Variants in PUS10 observed in about 807,000 individuals in gnomAD.
The protein encoded by PUS10 is tRNA pseudouridine synthase Pus10.
A neutral mutation model predicts 75.0 loss-of-function variants in PUS10; 59 were observed. The ratio of observed to expected loss-of-function variants is 0.79; its 90% CI spans 0.64 to 0.98. The LOEUF (loss-of-function observed/expected upper bound fraction) is 0.98. PUS10 is among the 50% of genes least tolerant of loss of function. The pLI is 0.00. For missense variants in PUS10, 650 were observed against 614.4 expected (o/e 1.06, Z -0.61); for synonymous variants, 219 against 211.6 (o/e 1.03, Z -0.30).
intron 4 of PUS10, among the ~76,000 whole-genome samples, chr2:60,995,008 A>T (rs6754585): frequency 0.51 from 77,648 of 151,988 alleles, 22,770 homozygotes; most frequent in African/African-American, 0.79. Flanking sequence ...GAGAATCGCT[A>T]GAACCCGGGA....
At chr2:60,943,423 C>T (rs1176432282) in intron 17 of PUS10, among the ~76,000 whole-genome samples, 1 of 150,354 alleles carries the variant, frequency 6.7e-6, no homozygotes. Flanking sequence ...TCCACATAAA[C>T]ACATACCAGG....
rs774467649 is a variant in PUS10 at position 60,998,253 on chromosome 2, T to C, written c.468+8304A>G. ...GAGGCCTCTGTAAACACATACAAAA[T>C]TTTTAGTATGTGCATTTTTAGGACA... On this transcript the variant is annotated intron_variant, in intron 4 of 17. Coordinates refer to ENST00000316752, the MANE Select transcript of PUS10 (RefSeq NM_144709.4). Among the ~76,000 whole-genome samples, 66 of 152,166 alleles carry C rather than the reference T, an allele frequency of 4.3e-4. 1 individual carries two copies. The highest frequency in any genetic ancestry group is 3.2e-4 in the Non-Finnish European group (22 of 68,030).
chr2:61,010,604 C>T (rs13026685), intron 2 of PUS10: 3 of 582,428 alleles, frequency 5.2e-6, no homozygotes, highest in South Asian at 2.2e-5. Flanking sequence ...GGATTACAGG[C>T]GTGAGCCACC....
intron 4 of PUS10, among the ~76,000 whole-genome samples, chr2:61,001,476 T>C (rs1386864886): frequency 1.3e-5 from 2 of 152,080 alleles, no homozygotes; most frequent in African/African-American, 2.4e-5. Context: ...GGGATTTTAC[T>C]ATGTTGGCTA....
chr2:61,004,670 C>G (rs973343326), intron 4 of PUS10, among the ~76,000 whole-genome samples: 4 of 133,546 alleles, frequency 3.0e-5, no homozygotes, highest in African/African-American at 1.1e-4. Context: ...AACATAAAAA[C>G]AGCAAATCAC....
intron 9 of PUS10, among the ~76,000 whole-genome samples, chr2:60,962,249 C>T (rs1558895354): frequency 6.6e-6 from 1 of 152,198 alleles, no homozygotes; most frequent in Non-Finnish European, 1.5e-5. Flanking sequence ...TCTTTGGACA[C>T]ACTACCCTCT....
At chr2:61,009,243 G>A (rs965795243) in intron 2 of PUS10, among the ~76,000 whole-genome samples, 3 of 152,166 alleles carry the variant, frequency 2.0e-5, no homozygotes, top group African/African-American at 7.2e-5. Context: ...TTTCAAAAGA[G>A]TTCCATATAT....
intron 1 of PUS10, chr2:61,017,557 A>G (rs1359882531): frequency 1.8e-6 from 1 of 553,032 alleles, no homozygotes; most frequent in Non-Finnish European, 3.2e-6. Context: ...AAATACAAAG[A>G]GCGTGTTTCT....
intron 1 of PUS10, among the ~76,000 whole-genome samples, chr2:61,013,986 A>G (rs1284588193): frequency 2.0e-5 from 3 of 152,178 alleles, no homozygotes; most frequent in Non-Finnish European, 4.4e-5. Flanking sequence ...AAAGTTGATC[A>G]GCAGGTCTAA....
chr2:60,985,556 A>C lies in PUS10; in HGVS notation c.469-13999T>G, dbSNP rs1677668882. Among the ~76,000 whole-genome samples the C allele has an allele frequency of 2.0e-5, 3 of 152,022 alleles. No individual in the cohort carries two copies. In the South Asian group the frequency reaches 6.2e-4, roughly 31 times the overall value. On this transcript the variant is annotated intron_variant, in intron 4 of 17. Coordinates refer to ENST00000316752, the MANE Select transcript of PUS10 (RefSeq NM_144709.4). ...CACTGTGTTGCTCAAGCTGGAGTGCAGTGGCATGATCTCAGCTCACTACAA... is the reference window on the plus strand; with the variant it reads ...CACTGTGTTGCTCAAGCTGGAGTGCCGTGGCATGATCTCAGCTCACTACAA...
intron 14 of PUS10, 47 bp downstream of exon 14, chr2:60,953,886 A>C (rs755835913): frequency 6.8e-7 from 1 of 1,465,684 alleles, no homozygotes. Context: ...TGTGACCTGC[A>C]ACTAAAACGT....
intron 4 of PUS10, among the ~76,000 whole-genome samples, chr2:60,975,619 A>G (rs1264554488): frequency 6.6e-6 from 1 of 150,818 alleles, no homozygotes; most frequent in Non-Finnish European, 1.5e-5. Context: ...CTGTTATTAA[A>G]CTGTTTTATA....
intron 15 of PUS10, among the ~76,000 whole-genome samples, chr2:60,950,469 G>C (rs931809356): frequency 2.0e-5 from 3 of 152,152 alleles, no homozygotes; most frequent in African/African-American, 7.2e-5. Context: ...CCAGGCTGGA[G>C]TGCTGTGGCG....
intron 4 of PUS10, among the ~76,000 whole-genome samples, chr2:60,989,812 A>G (rs983132878): frequency 6.6e-6 from 1 of 152,004 alleles, no homozygotes; most frequent in African/African-American, 2.4e-5. Flanking sequence ...TTTAGTAGAG[A>G]TGGGCTTTCA....
At chr2:60,981,151 G>A (rs1447578964) in intron 4 of PUS10, among the ~76,000 whole-genome samples, 2 of 150,330 alleles carry the variant, frequency 1.3e-5, no homozygotes, top group Non-Finnish European at 3.0e-5. Context: ...CCTTGGCCTC[G>A]CAAAGTGCTG....
rs769896816 is a variant in PUS10, at chr2:60,953,944, C to A, written c.1179G>T (p.Gln393His). 3 of 1,613,954 alleles carry A rather than the reference C, an allele frequency of 1.9e-6. No homozygotes were observed. Among genetic ancestry groups the A allele is most frequent in the Non-Finnish European group, 1.7e-6 (2 of 1,179,806 alleles). Reference protein sequence around the residue: ...SSNKIQVRDLQLVTREAIGHM... With the variant: ...SSNKIQVRDLHLVTREAIGHM... ...GAGCCTACTCTTACCTTGTGACAAG[C>A]TGCAAGTCACGTACTTGGATTTTGT... The change falls in exon 14 of 18, where the codon CAG becomes CAT. Residue 393 changes from glutamine (Q) to histidine (H), a missense_variant. Transcript: ENST00000316752.
At chr2:60,967,389 C>A in intron 6 of PUS10, 113 bp downstream of exon 6, 4 of 658,158 alleles carry the variant, frequency 6.1e-6, no homozygotes, top group South Asian at 1.7e-5. Context: ...TTAAAAAATC[C>A]TTCACTGGAT....
At chr2:61,015,495 C>A (rs563109812) in intron 1 of PUS10, among the ~76,000 whole-genome samples, 1 of 151,978 alleles carries the variant, frequency 6.6e-6, no homozygotes, top group Admixed American at 6.6e-5. Flanking sequence ...GTCAGGAGAT[C>A]GAGACCATCC....
intron 4 of PUS10, among the ~76,000 whole-genome samples, chr2:60,999,592 C>T (rs1469993680): frequency 2.6e-5 from 4 of 152,020 alleles, no homozygotes; most frequent in Non-Finnish European, 4.4e-5. Context: ...TGCACTCTGG[C>T]CTGGGTGACA....
Sources: allele counts gnomAD v4.1 joint callset (sites outside exome capture counted in the v4.1 genomes callset), GRCh38; gene constraint gnomAD v4.1.1; transcripts MANE v1.5; gene names NCBI Gene and HGNC (gene_info 2026-07-23, HGNC 2026-07-21).